The following CLPS variants were observed in gnomAD, a reference collection of about 807,000 sequenced individuals.
The protein encoded by CLPS is colipase, also known as colipase, pancreatic.
CLPS carries 8 observed loss-of-function variants against 9.3 expected under a neutral mutation model. The ratio of observed to expected loss-of-function variants is 0.86; its 90% CI spans 0.51 to 1.56. The LOEUF (loss-of-function observed/expected upper bound fraction) is 1.56. Among genes scored for constraint, CLPS ranks in the 40% most tolerant of loss-of-function variants. CLPS has a pLI of 0.00. For missense variants in CLPS, 144 were observed against 145.7 expected (o/e 0.99, Z 0.06); for synonymous variants, 61 against 56.2 (o/e 1.09, Z -0.39).
intron 1 of CLPS, chr6:35,796,795 G>T (rs987743767): frequency 8.8e-6 from 4 of 455,402 alleles, no homozygotes; most frequent in South Asian, 4.7e-5. Flanking sequence ...ATAGCTGAGC[G>T]TTATGGCAGG....
At chr6:35,795,412 G>C in intron 2 of CLPS, 135 bp from the exon 3 acceptor site, 1 of 1,338,928 alleles carries the variant, frequency 7.5e-7, no homozygotes, top group South Asian at 1.4e-5. Flanking sequence ...CTCCCCAGGG[G>C]TGCCGTGGGC....
intron 1 of CLPS, 81 bp downstream of exon 1, chr6:35,797,124 G>A: frequency 7.7e-7 from 1 of 1,295,768 alleles, no homozygotes; most frequent in Non-Finnish European, 1.1e-6. Flanking sequence ...AGTCCAGGTG[G>A]AGACATCAGA....
chr6:35,795,090 C>T lies in CLPS; in HGVS notation c.*56G>A, dbSNP rs1300212463. 1 of 1,593,980 alleles carries T rather than the reference C, an allele frequency of 6.3e-7. No homozygotes were observed. The highest frequency in any genetic ancestry group is 1.7e-5 in the Admixed American group (1 of 58,304). On this transcript the variant is annotated 3_prime_UTR_variant, in exon 3 of 3. Transcript: ENST00000259938. ...TGCGCTGGAGCAGGGGAGAGATGCC[C>T]CTGCGCCTAGTGGCCTACAGCATTC... is the stretch of plus-strand genomic sequence containing the variant.
chr6:35,795,074 GC>G lies in CLPS; in HGVS notation c.*71del, dbSNP rs1162781876. The G allele has an allele frequency of 2.5e-5, 40 of 1,570,034 alleles. No homozygotes were observed. The Admixed American group carries it at 7.0e-4, about 28-fold the overall frequency. ...TGGCCAGCCCGGGAGATGCGCTGGA[GC>G]AGGGGAGAGATGCCCCTGCGCCTAG... On this transcript the variant is annotated 3_prime_UTR_variant, in exon 3 of 3. Coordinates refer to ENST00000259938, the MANE Select transcript of CLPS (RefSeq NM_001832.4).
rs563598754 is a variant in CLPS at position 35,795,335 on chromosome 6, G to T, written c.208-58C>A. The T allele has an allele frequency of 9.5e-6, 15 of 1,583,798 alleles. No individual in the cohort carries two copies. The East Asian group carries it at 3.2e-4, about 33-fold the overall frequency. ...TGGGGAGATACTTTGGACATCACTTGTCCCCTGCCTGACCTAGAGAACCAG... is the reference window on the plus strand; with the variant it reads ...TGGGGAGATACTTTGGACATCACTTTTCCCCTGCCTGACCTAGAGAACCAG... On this transcript the variant is annotated intron_variant, in intron 2 of 2. Coordinates refer to ENST00000259938, the MANE Select transcript of CLPS (RefSeq NM_001832.4).
At chr6:35,795,386 T>C in intron 2 of CLPS, 109 bp from the exon 3 acceptor site, 1 of 1,476,926 alleles carries the variant, frequency 6.8e-7, no homozygotes, top group Non-Finnish European at 9.1e-7. Flanking sequence ...TTTCGGGGAG[T>C]GCCTCTCCCA....
intron 2 of CLPS, 79 bp downstream of exon 2, chr6:35,795,652 C>G: frequency 6.3e-7 from 1 of 1,578,256 alleles, no homozygotes; most frequent in Non-Finnish European, 8.6e-7. Context: ...GGCTGACCCC[C>G]CTCCCTGATC....
chr6:35,797,264 G>A lies in CLPS; in HGVS notation c.25C>T (p.Leu9Phe), dbSNP rs1395448153. Reference protein sequence around the residue: MEKILILLLVALSVAYAAP... With the variant: MEKILILLFVALSVAYAAP... The stretch of plus-strand genomic sequence containing the variant: ...GCATAGGCCACAGAGAGGGCGACAA[G>A]CAGGAGGATCAGGATCTTCTCCATG... Residue 9 changes from leucine to phenylalanine, a missense_variant, in exon 1 of 3, where the codon CTT (leucine) becomes TTT (phenylalanine). Leu to Phe is a conservative substitution (Grantham distance 22, BLOSUM62 0). Coordinates refer to ENST00000259938, the MANE Select transcript of CLPS (RefSeq NM_001832.4). 6.2e-7 allele frequency: 1 copy of A among 1,613,950 alleles called. No homozygotes were observed. Among genetic ancestry groups the A allele is most frequent in the Non-Finnish European group, 8.5e-7 (1 of 1,179,972 alleles).
rs1768317738 is a variant in CLPS, at chr6:35,795,013, A to G, written c.*133T>C. ...TTGCAGGAGGCCTTTAATTGTGAAG[A>G]GCGCAATCAGAAAACAGATATGCTG... On this transcript the variant is annotated 3_prime_UTR_variant, in exon 3 of 3. Coordinates refer to ENST00000259938, the MANE Select transcript of CLPS (RefSeq NM_001832.4). The G allele has an allele frequency of 1.6e-6, 2 of 1,273,532 alleles. No individual in the cohort carries two copies. The highest frequency in any genetic ancestry group is 2.2e-6 in the Non-Finnish European group (2 of 927,322). 78.9% of individuals were successfully genotyped at this position (1,273,532 alleles called of 1,614,324 possible).
chr6:35,796,316 A>G (rs1334524824), intron 1 of CLPS, among the ~76,000 whole-genome samples: 2 of 152,256 alleles, frequency 1.3e-5, no homozygotes, highest in East Asian at 1.9e-4. Context: ...AAGTCCAGCC[A>G]TGGCCCCAAG....
In CLPS at chr6:35,795,837, C is replaced by A. The variant is rs770146707; in HGVS notation, c.101G>T (p.Cys34Phe). The A allele has an allele frequency of 2.5e-6, 4 of 1,612,882 alleles. No homozygotes were observed. The South Asian group carries it at 4.4e-5, about 18-fold the overall frequency. Residue 34 changes from cysteine (C) to phenylalanine (F), a missense_variant, in exon 2 of 3, where the codon TGC becomes TTC. Coordinates refer to ENST00000259938, the MANE Select transcript of CLPS (RefSeq NM_001832.4). Reference protein sequence around the residue: ...IIINLENGELCMNSAQCKSNC... With the variant: ...IIINLENGELFMNSAQCKSNC... ...GCTCTTACACTGGGCACTATTCATG[C>A]AGAGCTCACCGTTCTCCTGCCAGGA...
At chr6:35,795,880 G>A in intron 1 of CLPS, 27 bp from the exon 2 acceptor site, 1 of 1,610,502 alleles carries the variant, frequency 6.2e-7, no homozygotes, top group South Asian at 1.1e-5. Flanking sequence ...GTCAGCCCAG[G>A]CCCCACTCCC....
At position 35,795,084 on chromosome 6, in the gene CLPS, G is replaced by T; in HGVS notation, c.*62C>A. 1.3e-6 allele frequency: 2 copies of T among 1,580,808 alleles called. No homozygotes were observed. Among genetic ancestry groups the T allele is most frequent in the Non-Finnish European group, 1.7e-6 (2 of 1,162,200 alleles). ...GGGAGATGCGCTGGAGCAGGGGAGAGATGCCCCTGCGCCTAGTGGCCTACA... is the reference window on the plus strand; with the variant it reads ...GGGAGATGCGCTGGAGCAGGGGAGATATGCCCCTGCGCCTAGTGGCCTACA... On this transcript the variant is annotated 3_prime_UTR_variant, in exon 3 of 3. Coordinates refer to ENST00000259938, the MANE Select transcript of CLPS (RefSeq NM_001832.4).
chr6:35,795,532 AC>A (rs1296137248), intron 2 of CLPS, among the ~76,000 whole-genome samples, 198 bp downstream of exon 2: 1 of 147,984 alleles, frequency 6.8e-6, no homozygotes, highest in Non-Finnish European at 1.5e-5. Context: ...ACAAATCCCC[AC>A]CCCCACCCAT....
chr6:35,796,953 A>AG (rs796998284), intron 1 of CLPS: 328 of 542,258 alleles, frequency 6.0e-4, no homozygotes, highest in African/African-American at 5.3e-3. Context: ...AAAAGAAAAA[A>AG]AAGGTCCCTC....
chr6:35,797,321 GA>G lies in CLPS; in HGVS notation c.-34del. The G allele has an allele frequency of 6.3e-7, 1 of 1,599,654 alleles. No individual in the cohort carries two copies. The highest frequency in any genetic ancestry group is 8.6e-7 in the Non-Finnish European group (1 of 1,167,696). On this transcript the variant is annotated 5_prime_UTR_variant, in exon 1 of 3. Coordinates refer to ENST00000259938, the MANE Select transcript of CLPS (RefSeq NM_001832.4). ...GGGACAGCTGGTGTGGGTGGCGGGA[GA>G]CAGAGCCAGCTGTGGTGATGGGGCT...
intron 2 of CLPS, 92 bp downstream of exon 2, chr6:35,795,639 C>A: frequency 6.4e-7 from 1 of 1,562,850 alleles, no homozygotes; most frequent in South Asian, 1.2e-5. Flanking sequence ...CATTCAGTGT[C>A]CAGGCTGACC....
In CLPS at chr6:35,797,283, C is replaced by T. The variant is rs1315317085; in HGVS notation, c.6G>A (p.Glu2=). 5 of 1,613,942 alleles carry T rather than the reference C, an allele frequency of 3.1e-6. No individual in the cohort carries two copies. Among genetic ancestry groups the T allele is most frequent in the Non-Finnish European group, 4.2e-6 (5 of 1,179,918 alleles). M[E]KILILLLVAL... Reference sequence around the variant, plus strand: ...CGACAAGCAGGAGGATCAGGATCTTCTCCATGGTGAGTGGGACAGCTGGTG... The same window carrying T: ...CGACAAGCAGGAGGATCAGGATCTTTTCCATGGTGAGTGGGACAGCTGGTG... Residue 2 remains glutamate, a synonymous_variant, in exon 1 of 3, where the codon GAG becomes GAA. Transcript: ENST00000259938.
intron 2 of CLPS, 30 bp from the exon 3 acceptor site, chr6:35,795,307 C>G (rs1461778686): frequency 6.2e-7 from 1 of 1,607,688 alleles, no homozygotes; most frequent in African/African-American, 1.3e-5. Flanking sequence ...GGAGTCAAGG[C>G]TATGGGGAGA....
Sources: gnomAD v4.1 joint callset for allele counts (sites outside exome capture counted in the v4.1 genomes callset) on GRCh38, gnomAD v4.1.1 for gene constraint, MANE v1.5 for transcripts, NCBI Gene and HGNC (gene_info 2026-07-23, HGNC 2026-07-21) for gene names.